PHTF2: variants seen among roughly 807,000 people sequenced by gnomAD.
PHTF2 encodes putative homeodomain transcription factor 2.
A neutral mutation model predicts 101.2 loss-of-function variants in PHTF2; 60 were observed. That is an observed-to-expected ratio of 0.59 (90% CI 0.48 to 0.73). PHTF2 has a LOEUF of 0.73. PHTF2 is among the 30% of genes least tolerant of loss of function. The pLI is 0.00. For synonymous variants in PHTF2, 311 were observed against 307.3 expected (o/e 1.01, Z -0.13); for missense variants, 747 against 908.7 (o/e 0.82, Z 2.29).
At chr7:77,813,421 G>A (rs900478044) in intron 1 of PHTF2, among the ~76,000 whole-genome samples, 3 of 152,202 alleles carry the variant, frequency 2.0e-5, no homozygotes, top group African/African-American at 7.2e-5. Context: ...TTTAGCGACT[G>A]GAAGTCACTG....
chr7:77,947,877 C>T (rs139713737), intron 16 of PHTF2, among the ~76,000 whole-genome samples: 11,982 of 101,614 alleles, frequency 0.12, 701 homozygotes, highest in South Asian at 0.22. Flanking sequence ...TTTGCTCTGT[C>T]GGCCAGGCTG....
chr7:77,801,605 A>G (rs1180419529), intron 1 of PHTF2, among the ~76,000 whole-genome samples: 1 of 152,116 alleles, frequency 6.6e-6, no homozygotes, highest in African/African-American at 2.4e-5. Flanking sequence ...ACAAAACAAA[A>G]CAAAAAAACA....
At position 77,932,260 on chromosome 7, in the gene PHTF2, A is replaced by G. The variant is rs150126045; in HGVS notation, c.1338+2933A>G. Among the ~76,000 whole-genome samples the G allele has an allele frequency of 1.8e-3, 274 of 152,286 alleles. 2 individuals carry two copies. Among genetic ancestry groups the G allele is most frequent in the African/African-American group, 5.9e-3 (247 of 41,566 alleles). On this transcript the variant is annotated intron_variant, in intron 12 of 19. Coordinates refer to ENST00000416283, the Ensembl canonical transcript of PHTF2. ...GGAGAAAACAGGTAGGGAAGAATCA[A>G]AGAGATACGGAAGAAAATGTTGACT... is the stretch of plus-strand genomic sequence containing the variant.
chr7:77,937,889 A>G, intron 13 of PHTF2, 51 bp downstream of exon 12: 1 of 927,588 alleles, frequency 1.1e-6, no homozygotes, highest in Non-Finnish European at 1.5e-6. Context: ...CTTAGTAATT[A>G]TATATAAGAT....
chr7:77,939,141 G>T (rs1179163463), intron 13 of PHTF2, among the ~76,000 whole-genome samples: 1 of 152,130 alleles, frequency 6.6e-6, no homozygotes, highest in Admixed American at 6.5e-5. Context: ...AGTTCTGCCA[G>T]TCTAGCATAC....
intron 1 of PHTF2, among the ~76,000 whole-genome samples, chr7:77,832,827 T>G (rs1338190288): frequency 2.0e-5 from 3 of 151,916 alleles, no homozygotes; most frequent in African/African-American, 4.8e-5. Flanking sequence ...GTAATAATAA[T>G]AGAAATAAAG....
At chr7:77,852,904 ACT>A (rs1420078707) in intron 2 of PHTF2, among the ~76,000 whole-genome samples, 1 of 152,030 alleles carries the variant, frequency 6.6e-6, no homozygotes, top group Non-Finnish European at 1.5e-5. Flanking sequence ...ATGTCATGCC[ACT>A]CTCTCCTGGC....
At chr7:77,826,027 G>GA in intron 1 of PHTF2, among the ~76,000 whole-genome samples, 1 of 152,098 alleles carries the variant, frequency 6.6e-6, no homozygotes, top group East Asian at 1.9e-4. Context: ...TAAATGCTAG[G>GA]AAAAAAATAT....
intron 11 of PHTF2, 27 bp downstream of exon 10, chr7:77,922,805 C>T (rs1276430989): frequency 1.4e-6 from 2 of 1,443,774 alleles, no homozygotes; most frequent in Non-Finnish European, 1.9e-6. Flanking sequence ...TAAGTGTATA[C>T]ATACGTATCT....
chr7:77,864,583 A>G (rs770757374), intron 3 of PHTF2, among the ~76,000 whole-genome samples: 3 of 150,028 alleles, frequency 2.0e-5, no homozygotes, highest in Non-Finnish European at 4.4e-5. Context: ...GCTATTTTTC[A>G]CCTTAGTGTT....
intron 1 of PHTF2, among the ~76,000 whole-genome samples, chr7:77,835,979 G>A (rs1282035951): frequency 3.3e-5 from 5 of 151,908 alleles, no homozygotes; most frequent in African/African-American, 9.7e-5. Context: ...TTAGCCGGGT[G>A]TAGTGGCGCA....
At chr7:77,815,861 T>C (rs1793810775) in intron 1 of PHTF2, among the ~76,000 whole-genome samples, 1 of 152,218 alleles carries the variant, frequency 6.6e-6, no homozygotes, top group Non-Finnish European at 1.5e-5. Flanking sequence ...TATTGCTGTC[T>C]GCTGTCTCGG....
At chr7:77,827,490 A>T (rs1794771715) in intron 1 of PHTF2, among the ~76,000 whole-genome samples, 2 of 151,924 alleles carry the variant, frequency 1.3e-5, no homozygotes, top group South Asian at 4.2e-4. Flanking sequence ...AGTAGCTGGG[A>T]TTACAGGCAC....
At chr7:77,947,290 G>A (rs1267198736) in intron 16 of PHTF2, among the ~76,000 whole-genome samples, 8 of 151,970 alleles carry the variant, frequency 5.3e-5, no homozygotes, top group African/African-American at 1.7e-4. Flanking sequence ...GGCTGAGCGC[G>A]GTGGCTCACG....
At chr7:77,817,772 T>C (rs1483102310) in intron 1 of PHTF2, among the ~76,000 whole-genome samples, 3 of 152,202 alleles carry the variant, frequency 2.0e-5, no homozygotes, top group African/African-American at 2.4e-5. Flanking sequence ...TTTAGATTTT[T>C]TGCCCATCTT....
At chr7:77,830,471 A>C (rs1455151592) in intron 1 of PHTF2, among the ~76,000 whole-genome samples, 4 of 152,170 alleles carry the variant, frequency 2.6e-5, no homozygotes, top group Admixed American at 2.6e-4. Context: ...GCCTCCCATC[A>C]CTTCCATTAC....
intron 12 of PHTF2, among the ~76,000 whole-genome samples, chr7:77,933,349 T>C (rs959665554): frequency 5.9e-5 from 9 of 152,098 alleles, no homozygotes; most frequent in Non-Finnish European, 8.8e-5. Flanking sequence ...AATTGTTAGA[T>C]TGAGAAGGAA....
At chr7:77,884,899 AAAATAAAT>A (rs55902103) in intron 3 of PHTF2, among the ~76,000 whole-genome samples, 33,054 of 151,206 alleles carry the variant, frequency 0.22, 3,935 homozygotes, top group South Asian at 0.29. Flanking sequence ...ACTTCGTCTC[AAAATAAAT>A]AAATAAATAA....
At chr7:77,833,857 G>C (rs1795246245) in intron 1 of PHTF2, among the ~76,000 whole-genome samples, 1 of 152,012 alleles carries the variant, frequency 6.6e-6, no homozygotes, top group East Asian at 1.9e-4. Context: ...TTTTTATTTA[G>C]TTTAACAGTT....
Sources: allele counts gnomAD v4.1 joint callset (sites outside exome capture counted in the v4.1 genomes callset), GRCh38; gene constraint gnomAD v4.1.1; transcripts MANE v1.5; gene names NCBI Gene and HGNC (gene_info 2026-07-23, HGNC 2026-07-21).